CDH4: variants seen among roughly 807,000 people sequenced by gnomAD.
The protein encoded by CDH4 is cadherin-4.
CDH4 carries 33 observed loss-of-function variants against 86.0 expected under a neutral mutation model. The observed-to-expected ratio is 0.38, with a 90% CI of 0.29 to 0.51. The LOEUF (loss-of-function observed/expected upper bound fraction) is 0.51, where lower values mean the gene tolerates loss of function less well. Among genes scored for constraint, CDH4 ranks in the 20% least tolerant of loss-of-function variants. The pLI, the probability that CDH4 is intolerant of heterozygous loss-of-function variation, is 0.86. For synonymous variants in CDH4, 555 were observed against 549.4 expected, an observed-to-expected ratio of 1.01 and a Z score of -0.14; for missense variants, 1,114 against 1,307.4, an observed-to-expected ratio of 0.85 and a Z score of 2.28.
chr20:61,272,079 C>T (rs949512936), intron 2 of CDH4, among the ~76,000 whole-genome samples: 3 of 152,154 alleles, frequency 2.0e-5, no homozygotes, highest in South Asian at 2.1e-4. Context: ...CCTCCTTTTA[C>T]AAAAGAAGCC....
intron 2 of CDH4, among the ~76,000 whole-genome samples, chr20:61,295,105 G>A (rs1457182880): frequency 6.6e-6 from 1 of 152,256 alleles, no homozygotes; most frequent in Non-Finnish European, 1.5e-5. Context: ...TGTCATGGGA[G>A]AATGTGGCGT....
intron 2 of CDH4, among the ~76,000 whole-genome samples, chr20:61,396,093 G>A (rs1413810809): frequency 1.3e-5 from 2 of 152,206 alleles, no homozygotes; most frequent in African/African-American, 4.8e-5. Flanking sequence ...CATCCGTCGT[G>A]CCGTCTTTGA....
rs956790609 is a variant in CDH4 at position 61,377,954 on chromosome 20, C to T, written c.169+123017C>T. Among the ~76,000 whole-genome samples the T allele has an allele frequency of 6.6e-6, 1 of 152,198 alleles. No individual in the cohort carries two copies. Among genetic ancestry groups the T allele is most frequent in the Non-Finnish European group, 1.5e-5 (1 of 68,048 alleles). On this transcript the variant is annotated intron_variant, in intron 2 of 15. Transcript: ENST00000614565. The surrounding 1 kb of genome is among the most constrained non-coding windows in gnomAD (Gnocchi z 4.0). ...GATAAATGACTTAGGAAAAATGGTTCTAAAGATTTCACTGGGAGGCTGGGT... is the reference window on the plus strand; with the variant it reads ...GATAAATGACTTAGGAAAAATGGTTTTAAAGATTTCACTGGGAGGCTGGGT...
At chr20:61,633,355 A>T (rs913491547) in intron 2 of CDH4, among the ~76,000 whole-genome samples, 1 of 151,504 alleles carries the variant, frequency 6.6e-6, no homozygotes, top group Non-Finnish European at 1.5e-5. Context: ...TCATTCATCC[A>T]TCCATCTATC....
chr20:61,389,549 T>A (rs1274260046), intron 2 of CDH4, among the ~76,000 whole-genome samples: 1 of 152,214 alleles, frequency 6.6e-6, no homozygotes, highest in Non-Finnish European at 1.5e-5. Flanking sequence ...TGAATTTGAA[T>A]GTATGATTGG....
In CDH4 at chr20:61,743,675, C is replaced by T; in HGVS notation, c.282C>T (p.Pro94=). 1 of 1,605,196 alleles carries T rather than the reference C, an allele frequency of 6.2e-7. No individual in the cohort carries two copies. The highest frequency in any genetic ancestry group is 8.5e-7 in the Non-Finnish European group (1 of 1,176,100). Residue 94 remains proline, a synonymous_variant, in exon 3 of 16, where the codon CCC becomes CCT. Transcript: ENST00000614565. ...TVFATRELQV[P]SEQVAFTVTA... ...TCGCCACCCGGGAGCTGCAGGTCCCCTCCGAGCAGGTGGCGTTCACGGTGA... is the reference window on the plus strand; with the variant it reads ...TCGCCACCCGGGAGCTGCAGGTCCCTTCCGAGCAGGTGGCGTTCACGGTGA...
intron 4 of CDH4, among the ~76,000 whole-genome samples, chr20:61,779,200 T>G (rs1006130891): frequency 6.6e-5 from 10 of 152,230 alleles, no homozygotes; most frequent in African/African-American, 2.4e-4. Flanking sequence ...TATGTTCCCT[T>G]GAGAGGCTGT....
At chr20:61,651,044 GGT>G (rs1365700938) in intron 2 of CDH4, among the ~76,000 whole-genome samples, 3 of 152,158 alleles carry the variant, frequency 2.0e-5, no homozygotes, top group Admixed American at 6.5e-5. Flanking sequence ...GCCGTGCACT[GGT>G]GTGCTTGTGT....
At chr20:61,612,788 A>G (rs532313334) in intron 2 of CDH4, among the ~76,000 whole-genome samples, 31 of 152,146 alleles carry the variant, frequency 2.0e-4, no homozygotes, top group African/African-American at 7.5e-4. Flanking sequence ...TGCATGCTGC[A>G]TTTAGGCCTG....
chr20:61,786,131 A>G (rs1317839672), intron 4 of CDH4, among the ~76,000 whole-genome samples: 1 of 152,180 alleles, frequency 6.6e-6, no homozygotes, highest in African/African-American at 2.4e-5. Context: ...CCTCCGGGGA[A>G]ACAAGGACCC....
At chr20:61,324,779 G>C (rs941277874) in intron 2 of CDH4, among the ~76,000 whole-genome samples, 3 of 152,174 alleles carry the variant, frequency 2.0e-5, no homozygotes, top group Non-Finnish European at 4.4e-5. Context: ...AGGAAGAGTT[G>C]CCCTAAGTCA....
At chr20:61,802,392 G>A (rs901834281) in intron 4 of CDH4, among the ~76,000 whole-genome samples, 1 of 152,224 alleles carries the variant, frequency 6.6e-6, no homozygotes. Context: ...CGAGAACCTC[G>A]TGGGGGTCAG....
intron 2 of CDH4, among the ~76,000 whole-genome samples, chr20:61,440,366 T>G (rs2145530833): frequency 6.6e-6 from 1 of 152,238 alleles, no homozygotes; most frequent in South Asian, 2.1e-4. Context: ...GAAAGGCAAA[T>G]GTAAAGGGAA....
In CDH4 at chr20:61,552,474, C is replaced by T. The variant is rs935356085; in HGVS notation, c.170-191089C>T. ...CAGCACTCTGGGAGTCCGAGGTGGG[C>T]GGATCACCTGAGGTCAGGAGTTCGA... is the stretch of plus-strand genomic sequence containing the variant. On this transcript the variant is annotated intron_variant, in intron 2 of 15. Coordinates refer to ENST00000614565, the MANE Select transcript of CDH4 (RefSeq NM_001794.5). Among the ~76,000 whole-genome samples the T allele has an allele frequency of 7.9e-5, 12 of 152,244 alleles. No individual in the cohort carries two copies. The South Asian group carries it at 1.0e-3, about 13-fold the overall frequency.
intron 2 of CDH4, among the ~76,000 whole-genome samples, chr20:61,674,327 C>T (rs1262076722): frequency 1.3e-5 from 2 of 152,176 alleles, no homozygotes; most frequent in Non-Finnish European, 2.9e-5. Flanking sequence ...CATGTTGTGT[C>T]GTGCTGGTCA....
chr20:61,817,019 C>T (rs1294129266), intron 4 of CDH4, among the ~76,000 whole-genome samples: 9 of 152,228 alleles, frequency 5.9e-5, no homozygotes, highest in South Asian at 2.1e-4. Flanking sequence ...GCTTGGCCGC[C>T]GCATGGAAGA....
At chr20:61,562,391 C>G (rs565747854) in intron 2 of CDH4, among the ~76,000 whole-genome samples, 1 of 148,484 alleles carries the variant, frequency 6.7e-6, no homozygotes, top group Non-Finnish European at 1.5e-5. Context: ...CCAGGGCTCC[C>G]GGAGAGAGAG....
intron 4 of CDH4, among the ~76,000 whole-genome samples, chr20:61,794,386 G>A (rs548166712): frequency 2.0e-5 from 3 of 152,280 alleles, no homozygotes; most frequent in East Asian, 1.9e-4. Flanking sequence ...CTGGGAACCC[G>A]TCGTTCCCCC....
chr20:61,269,661 T>A lies in CDH4; in HGVS notation c.169+14724T>A, dbSNP rs1162184939. 6.6e-6 allele frequency among the ~76,000 whole-genome samples: 1 copy of A among 152,146 alleles called. No individual in the cohort carries two copies. Among genetic ancestry groups the A allele is most frequent in the Non-Finnish European group, 1.5e-5 (1 of 68,024 alleles). ...TTAATGTAAACACATCAGGCCCTGC[T>A]CCGCCAAGCAGACCCCAGTCCTGCC... On this transcript the variant is annotated intron_variant, in intron 2 of 15. Transcript: ENST00000614565. This position sits in a 1 kb window ranked among gnomAD's most constrained non-coding sequence, Gnocchi z 5.3.
Sources: allele counts gnomAD v4.1 joint callset (sites outside exome capture counted in the v4.1 genomes callset), GRCh38; gene constraint gnomAD v4.1.1; non-coding constraint Gnocchi (gnomAD v3.1); transcripts MANE v1.5; gene names NCBI Gene and HGNC (gene_info 2026-07-23, HGNC 2026-07-21).